The following DDX10 variants were observed in gnomAD, a reference collection of about 807,000 sequenced individuals.
The protein encoded by DDX10 is probable ATP-dependent RNA helicase DDX10.
Under a neutral mutation model 104.3 loss-of-function variants are expected in DDX10, and 74 were observed. The ratio of observed to expected loss-of-function variants is 0.71; its 90% confidence interval spans 0.59 to 0.86. The LOEUF (loss-of-function observed/expected upper bound fraction) is 0.86. Ranked by LOEUF, DDX10 falls within the 40% of genes least tolerant of loss-of-function variation. The pLI is 0.00. For missense variants in DDX10, 952 were observed against 1,040.0 expected (o/e 0.92, Z 1.16); for synonymous variants, 351 against 353.4 (o/e 0.99, Z 0.08).
At chr11:108,724,762 G>A (rs187861841) in intron 13 of DDX10, among the ~76,000 whole-genome samples, 34 of 152,152 alleles carry the variant, frequency 2.2e-4, no homozygotes, top group African/African-American at 7.2e-4. Context: ...AATTGTTCAC[G>A]TAAGTAGGAC....
chr11:108,771,701 A>T (rs578236883), intron 13 of DDX10, among the ~76,000 whole-genome samples: 229 of 152,318 alleles, frequency 1.5e-3, no homozygotes, highest in African/African-American at 5.4e-3. Flanking sequence ...CTTATTGTTT[A>T]TCTAAATGAG....
intron 13 of DDX10, among the ~76,000 whole-genome samples, chr11:108,776,305 G>C (rs568940895): frequency 2.0e-5 from 3 of 152,160 alleles, no homozygotes; most frequent in Non-Finnish European, 4.4e-5. Context: ...ACTTGCACGT[G>C]CATTTCAGCT....
chr11:108,873,915 A>G (rs1465288413), intron 16 of DDX10, among the ~76,000 whole-genome samples: 1 of 152,224 alleles, frequency 6.6e-6, no homozygotes, highest in Non-Finnish European at 1.5e-5. Context: ...ACTAAATTGG[A>G]TCAAACAGTA....
At position 108,723,060 on chromosome 11, in the gene DDX10, C is replaced by G. The variant is rs61755348; in HGVS notation, c.1563C>G (p.Thr521=). ...RFLQKMQKQP[T]KELVRSQADK... ...TTCAGAAAATGCAGAAACAACCCAC[C>G]AAAGAATTGGTAAGGAGCCAAGCCG... The change falls in exon 13 of 18, where the codon ACC becomes ACG. Residue 521 remains threonine, a synonymous_variant. Transcript: ENST00000322536. 1 of 1,612,588 alleles carries G rather than the reference C, an allele frequency of 6.2e-7. No individual in the cohort carries two copies. Among genetic ancestry groups the G allele is most frequent in the South Asian group, 1.1e-5 (1 of 90,828 alleles).
At chr11:108,855,954 A>C (rs1862862541) in intron 16 of DDX10, among the ~76,000 whole-genome samples, 1 of 152,188 alleles carries the variant, frequency 6.6e-6, no homozygotes, top group Non-Finnish European at 1.5e-5. Context: ...GAAGTTTTAT[A>C]GATGTACATT....
chr11:108,808,644 G>A (rs1230312170), intron 13 of DDX10, among the ~76,000 whole-genome samples: 3 of 151,992 alleles, frequency 2.0e-5, no homozygotes, highest in African/African-American at 7.3e-5. Context: ...CAGTGATAAT[G>A]TACTATTTGG....
chr11:108,735,227 A>G (rs1295476406), intron 13 of DDX10, among the ~76,000 whole-genome samples: 5 of 152,318 alleles, frequency 3.3e-5, no homozygotes, highest in African/African-American at 9.6e-5. Context: ...GAAAGTGTAC[A>G]TTTTAGGTGA....
intron 16 of DDX10, among the ~76,000 whole-genome samples, chr11:108,891,700 G>A (rs985953003): frequency 2.0e-5 from 3 of 152,070 alleles, no homozygotes; most frequent in Non-Finnish European, 4.4e-5. Flanking sequence ...AAGTCAGCAC[G>A]AACCCGGTCC....
At chr11:108,888,147 T>A (rs917518163) in intron 16 of DDX10, among the ~76,000 whole-genome samples, 1 of 152,112 alleles carries the variant, frequency 6.6e-6, no homozygotes, top group Non-Finnish European at 1.5e-5. Context: ...AGAGGAATAA[T>A]GACTATAATG....
At chr11:108,803,091 G>A (rs780272215) in intron 13 of DDX10, among the ~76,000 whole-genome samples, 1 of 152,132 alleles carries the variant, frequency 6.6e-6, no homozygotes, top group Non-Finnish European at 1.5e-5. Flanking sequence ...CTTTTGTTTT[G>A]CTTTTGGCTG....
intron 9 of DDX10, among the ~76,000 whole-genome samples, chr11:108,694,646 C>T (rs1418651195): frequency 4.6e-5 from 7 of 152,002 alleles, no homozygotes; most frequent in African/African-American, 1.7e-4. Context: ...TTTGGGAGGC[C>T]GAGGTGGGCG....
intron 9 of DDX10, among the ~76,000 whole-genome samples, chr11:108,698,736 C>A (rs1416279883): frequency 1.3e-5 from 2 of 152,212 alleles, no homozygotes; most frequent in Non-Finnish European, 2.9e-5. Flanking sequence ...TATATCACTC[C>A]TCTGATGGCA....
chr11:108,733,726 C>G (rs1043282631), intron 13 of DDX10, among the ~76,000 whole-genome samples: 1 of 152,056 alleles, frequency 6.6e-6, no homozygotes, highest in Non-Finnish European at 1.5e-5. Flanking sequence ...TGCCATTCTG[C>G]CCCCAGATTC....
intron 13 of DDX10, among the ~76,000 whole-genome samples, chr11:108,803,334 C>CCAAAG (rs1199723384): frequency 2.0e-5 from 3 of 151,798 alleles, no homozygotes; most frequent in Non-Finnish European, 4.4e-5. Context: ...CGGCTCACGC[C>CCAAAG]TGTAATCCAA....
intron 16 of DDX10, among the ~76,000 whole-genome samples, chr11:108,897,495 A>G (rs1863456910): frequency 6.6e-6 from 1 of 152,168 alleles, no homozygotes. Context: ...CTTTTGTGTT[A>G]AAGGATTTAC....
At chr11:108,750,926 CTTTTTTTTTTTTTTTTTTTT>C (rs10582729) in intron 13 of DDX10, among the ~76,000 whole-genome samples, 28 of 24,260 alleles carry the variant, frequency 1.2e-3, no homozygotes, top group Admixed American at 3.2e-3. Context: ...CACCTGGTTA[CTTTTTTTTTTTTTTTTTTTT>C]TTTTTTTTTT....
At chr11:108,676,017 C>T (rs1397249601) in intron 3 of DDX10, among the ~76,000 whole-genome samples, 1 of 152,128 alleles carries the variant, frequency 6.6e-6, no homozygotes, top group African/African-American at 2.4e-5. Flanking sequence ...TCCAGTATGG[C>T]AGGTTAAAGT....
Position 108,916,657 on chromosome 11 carries a change from A to G in DDX10, c.2305-1216A>G, listed in dbSNP as rs151147227. Among the ~76,000 whole-genome samples, 449 of 152,332 alleles carry G rather than the reference A, an allele frequency of 2.9e-3. 1 individual carries two copies. The highest frequency in any genetic ancestry group is 5.5e-3 in the Non-Finnish European group (371 of 68,022). On this transcript the variant is annotated intron_variant, in intron 16 of 17. Transcript: ENST00000322536. Reference sequence around the variant, plus strand: ...TCATTTGGTATGAAGAATTGTAAAGATGGTAACTGAAAGAAACTGAAATTT... The same window carrying G: ...TCATTTGGTATGAAGAATTGTAAAGGTGGTAACTGAAAGAAACTGAAATTT...
intron 3 of DDX10, among the ~76,000 whole-genome samples, chr11:108,676,039 G>A (rs917465462): frequency 3.9e-5 from 6 of 152,226 alleles, no homozygotes; most frequent in African/African-American, 1.4e-4. Flanking sequence ...GTTCTGTGCT[G>A]CAGTAGGACT....
Sources: gnomAD v4.1 joint callset for allele counts (sites outside exome capture counted in the v4.1 genomes callset) on GRCh38, gnomAD v4.1.1 for gene constraint, MANE v1.5 for transcripts, NCBI Gene and HGNC (gene_info 2026-07-23, HGNC 2026-07-21) for gene names.